Variants in STAC observed in about 807,000 individuals in gnomAD.
STAC encodes the protein SH3 and cysteine rich domain, also known as SH3 and cysteine-rich domain-containing protein.
In STAC, 43 loss-of-function variants were observed where a neutral mutation model predicts 48.8. That is an observed-to-expected ratio of 0.88 (90% CI 0.69 to 1.14). The LOEUF (loss-of-function observed/expected upper bound fraction) is 1.14, where lower values mean the gene tolerates loss of function less well. STAC is among the 50% of genes most tolerant of loss of function. The pLI, the probability that STAC is intolerant of heterozygous loss-of-function variation, is 0.00. For synonymous variants in STAC, 193 were observed against 179.5 expected, an observed-to-expected ratio of 1.07 and a Z score of -0.60; for missense variants, 497 against 504.0, an observed-to-expected ratio of 0.99 and a Z score of 0.13.
intron 10 of STAC, among the ~76,000 whole-genome samples, chr3:36,532,652 C>G (rs1699099235): frequency 6.6e-6 from 1 of 152,130 alleles, no homozygotes; most frequent in Non-Finnish European, 1.5e-5. Flanking sequence ...AACCTACTAC[C>G]CCTACCCCTG....
Position 36,443,735 on chromosome 3 carries a change from T to C in STAC, c.388+95T>C. The C allele has an allele frequency of 6.8e-7, 1 of 1,464,698 alleles. No individual in the cohort carries two copies. The highest frequency in any genetic ancestry group is 9.3e-7 in the Non-Finnish European group (1 of 1,079,200). 90.7% of individuals were successfully genotyped at this position (1,464,698 alleles called of 1,614,324 possible). ...GGTCCAGGTACCTACGGACAGATGC[T>C]AGGCCTCAGAGATTTACATGTGGGA... On this transcript the variant is annotated intron_variant, in intron 2 of 10. Coordinates refer to ENST00000273183, the MANE Select transcript of STAC (RefSeq NM_003149.3). This position sits in a 1 kb window ranked among gnomAD's most constrained non-coding sequence, Gnocchi z 4.2.
At chr3:36,467,986 C>T (rs1284625633) in intron 2 of STAC, among the ~76,000 whole-genome samples, 1 of 152,026 alleles carries the variant, frequency 6.6e-6, no homozygotes, top group Non-Finnish European at 1.5e-5. Context: ...TATTTAAATG[C>T]TATGAACTTT....
chr3:36,480,110 TTCAGAG>T (rs1316748347), intron 2 of STAC, among the ~76,000 whole-genome samples: 1 of 152,216 alleles, frequency 6.6e-6, no homozygotes, highest in East Asian at 1.9e-4. Flanking sequence ...ATGATGCTAT[TTCAGAG>T]TCCAGCACAC....
intron 1 of STAC, among the ~76,000 whole-genome samples, chr3:36,419,047 C>CAAAA (rs1193056059): frequency 1.1e-5 from 1 of 90,544 alleles, no homozygotes; most frequent in Admixed American, 1.2e-4. Context: ...AACTCCGACT[C>CAAAA]AAAAAAAAAA....
chr3:36,508,862 CTT>C (rs1698468962), intron 8 of STAC, among the ~76,000 whole-genome samples: 2 of 152,110 alleles, frequency 1.3e-5, no homozygotes, highest in African/African-American at 4.8e-5. Flanking sequence ...GGTCTTGACT[CTT>C]TATCCAATTT....
intron 10 of STAC, among the ~76,000 whole-genome samples, chr3:36,531,029 T>C (rs1699053383): frequency 6.6e-6 from 1 of 152,164 alleles, no homozygotes; most frequent in Non-Finnish European, 1.5e-5. Flanking sequence ...TAAATGAAAA[T>C]CATTGAAAAC....
chr3:36,443,256 A>C lies in STAC; in HGVS notation c.112-108A>C. On this transcript the variant is annotated intron_variant, in intron 1 of 10. Transcript: ENST00000273183. The surrounding 1 kb of genome is among the most constrained non-coding windows in gnomAD (Gnocchi z 4.2). Reference sequence around the variant, plus strand: ...ACATTTATGAGCCTCCTCAAGACGGAGGGTGTCAGTGGGGACTGTGTAGTG... The same window carrying C: ...ACATTTATGAGCCTCCTCAAGACGGCGGGTGTCAGTGGGGACTGTGTAGTG... The C allele has an allele frequency of 7.6e-7, 1 of 1,312,954 alleles. No individual in the cohort carries two copies. Among genetic ancestry groups the C allele is most frequent in the Non-Finnish European group, 1.1e-6 (1 of 946,784 alleles). 81.3% of individuals were successfully genotyped at this position (1,312,954 alleles called of 1,614,324 possible). A position where few individuals can be genotyped will look rare whatever the true frequency, so the allele number is the denominator to read the frequency against.
intron 10 of STAC, 60 bp from the exon 11 acceptor site, chr3:36,546,131 T>C (rs945127356): frequency 4.2e-6 from 6 of 1,438,708 alleles, no homozygotes; most frequent in Non-Finnish European, 4.9e-6. Context: ...AAGCTGCAGG[T>C]TCTAACTTCG....
intron 1 of STAC, among the ~76,000 whole-genome samples, chr3:36,429,459 T>G (rs1700639647): frequency 6.6e-6 from 1 of 152,188 alleles, no homozygotes; most frequent in Non-Finnish European, 1.5e-5. Flanking sequence ...GGAGGAGACC[T>G]GGGAGTGGTG....
intron 1 of STAC, among the ~76,000 whole-genome samples, chr3:36,406,827 A>C (rs2125631458): frequency 6.6e-6 from 1 of 152,348 alleles, no homozygotes; most frequent in East Asian, 1.9e-4. Flanking sequence ...ACTTTACAGA[A>C]AAAGTTTACC....
At chr3:36,459,545 A>G (rs1559499955) in intron 2 of STAC, among the ~76,000 whole-genome samples, 1 of 152,232 alleles carries the variant, frequency 6.6e-6, no homozygotes, top group African/African-American at 2.4e-5. Flanking sequence ...TACATAGTGT[A>G]CAGATTGCTC....
chr3:36,385,723 C>T (rs1347976596), intron 1 of STAC, among the ~76,000 whole-genome samples: 1 of 152,064 alleles, frequency 6.6e-6, no homozygotes, highest in Admixed American at 6.6e-5. Flanking sequence ...ATTATTTGCT[C>T]ATTTCTGAAC....
chr3:36,401,909 G>A (rs1256104736), intron 1 of STAC, among the ~76,000 whole-genome samples: 1 of 152,124 alleles, frequency 6.6e-6, no homozygotes, highest in Non-Finnish European at 1.5e-5. Context: ...GAAAGGGGAT[G>A]GACATTTCAC....
intron 1 of STAC, among the ~76,000 whole-genome samples, chr3:36,393,861 A>G (rs1207493765): frequency 6.6e-6 from 1 of 151,928 alleles, no homozygotes; most frequent in East Asian, 1.9e-4. Flanking sequence ...CAACAGCTCA[A>G]ACTCTCTAAG....
chr3:36,498,371 C>G (rs1251094703), intron 6 of STAC, among the ~76,000 whole-genome samples: 1 of 151,890 alleles, frequency 6.6e-6, no homozygotes, highest in Non-Finnish European at 1.5e-5. Flanking sequence ...AGTTAGGAAG[C>G]CAAAGCAGTA....
At chr3:36,439,083 C>A (rs78933890) in intron 1 of STAC, among the ~76,000 whole-genome samples, 5,019 of 152,266 alleles carry the variant, frequency 0.033, 265 homozygotes, top group African/African-American at 0.11. Flanking sequence ...CTCCATCCAT[C>A]CCCTAAAGAC....
intron 2 of STAC, among the ~76,000 whole-genome samples, chr3:36,449,816 C>T (rs990656041): frequency 6.6e-6 from 1 of 152,182 alleles, no homozygotes; most frequent in African/African-American, 2.4e-5. Context: ...TGCGTGTCAT[C>T]TTAAAAAATC....
intron 1 of STAC, among the ~76,000 whole-genome samples, chr3:36,414,815 C>T (rs1045353172): frequency 5.3e-5 from 8 of 152,082 alleles, no homozygotes; most frequent in Non-Finnish European, 7.4e-5. Context: ...TACCTTTGGT[C>T]TTTGATGATG....
At chr3:36,487,728 A>G (rs904018869) in intron 5 of STAC, among the ~76,000 whole-genome samples, 1 of 152,210 alleles carries the variant, frequency 6.6e-6, no homozygotes, top group Non-Finnish European at 1.5e-5. Flanking sequence ...TGTTAAGGAT[A>G]TTATAATGAC....
Sources: gnomAD v4.1 joint callset for allele counts (sites outside exome capture counted in the v4.1 genomes callset) on GRCh38, gnomAD v4.1.1 for gene constraint, Gnocchi (gnomAD v3.1) non-coding constraint, MANE v1.5 for transcripts, NCBI Gene and HGNC (gene_info 2026-07-23, HGNC 2026-07-21) for gene names.